The following ZNF684 variants were observed in gnomAD, a reference collection of about 807,000 sequenced individuals.
ZNF684 encodes the protein hypothetical protein MGC27466.
ZNF684 carries 13 observed loss-of-function variants against 12.8 expected under a neutral mutation model. The ratio of observed to expected loss-of-function variants is 1.02; its 90% CI spans 0.66 to 1.62. The LOEUF (loss-of-function observed/expected upper bound fraction) is 1.62. ZNF684 is among the 40% of genes most tolerant of loss of function. The pLI is 0.00. For missense variants in ZNF684, 384 were observed against 446.9 expected, an observed-to-expected ratio of 0.86 and a Z score of 1.27; for synonymous variants, 118 against 151.8, an observed-to-expected ratio of 0.78 and a Z score of 1.64.
At chr1:40,536,237 CA>C (rs1645983496) in intron 2 of ZNF684, among the ~76,000 whole-genome samples, 4 of 151,412 alleles carry the variant, frequency 2.6e-5, no homozygotes, top group Admixed American at 2.6e-4. Context: ...ACTAAAAATA[CA>C]AAAAAATTAG....
At chr1:40,534,354 C>A (rs1352725093) in intron 2 of ZNF684, among the ~76,000 whole-genome samples, 2 of 149,748 alleles carry the variant, frequency 1.3e-5, no homozygotes, top group Admixed American at 1.3e-4. Context: ...GATTCTCCTG[C>A]CTCAGCTTCC....
intron 4 of ZNF684, among the ~76,000 whole-genome samples, chr1:40,546,031 T>G (rs961287179): frequency 6.9e-6 from 1 of 145,960 alleles, no homozygotes; most frequent in African/African-American, 2.5e-5. Flanking sequence ...CAAGCAATTC[T>G]CCTGCCACAG....
intron 2 of ZNF684, among the ~76,000 whole-genome samples, chr1:40,539,731 T>C (rs958028496): frequency 1.3e-5 from 2 of 151,604 alleles, no homozygotes; most frequent in African/African-American, 4.9e-5. Flanking sequence ...GAGAATCTTT[T>C]TTCTTTTTAT....
rs1646017187 is a variant in ZNF684 at position 40,541,694 on chromosome 1, A to G, written c.222A>G (p.Pro74=). 6.2e-7 allele frequency: 1 copy of G among 1,613,240 alleles called. No homozygotes were observed. The highest frequency in any genetic ancestry group is 1.3e-5 in the African/African-American group (1 of 75,028). The change falls in exon 4 of 5, where the codon CCA becomes CCG. Residue 74 remains proline (P), a synonymous_variant. Coordinates refer to ENST00000372699, the MANE Select transcript of ZNF684 (RefSeq NM_152373.4). ...QEPWMVEGAN[P]HESSPESDYP... ...CATGGATGGTGGAGGGAGCGAATCCACACGAGAGCTCTCCAGGTGAGTGAG... is the reference window on the plus strand; with the variant it reads ...CATGGATGGTGGAGGGAGCGAATCCGCACGAGAGCTCTCCAGGTGAGTGAG...
At chr1:40,535,564 G>A (rs966412362) in intron 2 of ZNF684, among the ~76,000 whole-genome samples, 18 of 151,262 alleles carry the variant, frequency 1.2e-4, no homozygotes, top group South Asian at 1.0e-3. Context: ...GTGTTTCACC[G>A]TTTCCTCTTG....
chr1:40,542,296 G>T (rs1013779525), intron 4 of ZNF684, among the ~76,000 whole-genome samples: 2 of 152,016 alleles, frequency 1.3e-5, no homozygotes, highest in African/African-American at 4.8e-5. Context: ...GGTACATCAT[G>T]TTCTATTTTA....
At chr1:40,546,400 C>T (rs1488476394) in intron 4 of ZNF684, among the ~76,000 whole-genome samples, 162 bp from the exon 5 acceptor site, 1 of 152,204 alleles carries the variant, frequency 6.6e-6, no homozygotes, top group Non-Finnish European at 1.5e-5. Context: ...CATCTGCTCC[C>T]ATTCCCTCTT....
chr1:40,542,966 T>G (rs1160019999), intron 4 of ZNF684, among the ~76,000 whole-genome samples: 2 of 152,184 alleles, frequency 1.3e-5, no homozygotes, highest in Non-Finnish European at 2.9e-5. Context: ...TAAATATATT[T>G]CAGATTCCCT....
intron 3 of ZNF684, chr1:40,541,258 A>C: frequency 5.9e-6 from 1 of 170,706 alleles, no homozygotes; most frequent in Admixed American, 5.8e-5. Context: ...GCAGTGGTGC[A>C]ATCTCGGCTT....
chr1:40,538,114 C>T (rs1262080264), intron 2 of ZNF684, among the ~76,000 whole-genome samples: 1 of 152,134 alleles, frequency 6.6e-6, no homozygotes, highest in Non-Finnish European at 1.5e-5. Context: ...ACCTCAGTCT[C>T]CCAAGTAGCT....
In ZNF684 at chr1:40,539,869, G is replaced by C. The variant is rs1289051584; in HGVS notation, c.16-717G>C. 4.6e-5 allele frequency among the ~76,000 whole-genome samples: 7 copies of C among 150,848 alleles called. No homozygotes were observed. In the East Asian group the frequency reaches 1.2e-3, roughly 25 times the overall value. ...ATATCTATGTCTATATCTATATATA[G>C]ATATATAGATATATCTTTGGAGAAA... On this transcript the variant is annotated intron_variant, in intron 2 of 4. Transcript: ENST00000372699.
chr1:40,538,115 C>T (rs1645995033), intron 2 of ZNF684, among the ~76,000 whole-genome samples: 1 of 152,064 alleles, frequency 6.6e-6, no homozygotes, highest in Non-Finnish European at 1.5e-5. Flanking sequence ...CCTCAGTCTC[C>T]CAAGTAGCTG....
chr1:40,532,632 G>T (rs1354239694), intron 1 of ZNF684, among the ~76,000 whole-genome samples: 1 of 151,522 alleles, frequency 6.6e-6, no homozygotes, highest in Non-Finnish European at 1.5e-5. Flanking sequence ...TTAAACTGAA[G>T]GATCCAGCTT....
rs530984363 is a variant in ZNF684, at chr1:40,544,256, TATGAA to T, written c.239-2304_239-2300del. Reference sequence around the variant, plus strand: ...AAAATCTCATTACCATTTTCTAACTTATGAAAGGTAGTTGGAACAGCAAAACATGT... The same window carrying T: ...AAAATCTCATTACCATTTTCTAACTTAGGTAGTTGGAACAGCAAAACATGT... On this transcript the variant is annotated intron_variant, in intron 4 of 4. Coordinates refer to ENST00000372699, the MANE Select transcript of ZNF684 (RefSeq NM_152373.4). 46 of 212,490 alleles carry T rather than the reference TATGAA, an allele frequency of 2.2e-4. 1 individual carries two copies. Among genetic ancestry groups the T allele is most frequent in the South Asian group, 1.1e-3 (22 of 20,318 alleles). The allele number at this position is 212,490 out of a possible 1,614,324, so 13.2% of individuals were successfully genotyped here.
At chr1:40,538,263 G>C (rs1425708750) in intron 2 of ZNF684, among the ~76,000 whole-genome samples, 1 of 152,082 alleles carries the variant, frequency 6.6e-6, no homozygotes, top group Non-Finnish European at 1.5e-5. Context: ...AAAGTGCTGG[G>C]ATTACAGGTG....
At chr1:40,539,961 C>A (rs529116382) in intron 2 of ZNF684, among the ~76,000 whole-genome samples, 142 of 151,220 alleles carry the variant, frequency 9.4e-4, no homozygotes, top group Middle Eastern at 3.4e-3. Context: ...TTTCTCCCCT[C>A]CCCCTATTGT....
At position 40,547,174 on chromosome 1, in the gene ZNF684, C is replaced by G; in HGVS notation, c.851C>G (p.Ser284Ter). ...KECGKTFRYS[S>*]SLYKHSRFHT... is the part of the protein sequence containing the mutation. Reference sequence around the variant, plus strand: ...TGTGGGAAAACCTTCAGGTATAGTTCATCCCTTTATAAACATTCCAGATTT... The same window carrying G: ...TGTGGGAAAACCTTCAGGTATAGTTGATCCCTTTATAAACATTCCAGATTT... Residue 284 changes from serine to a stop codon, truncating the protein, a stop_gained, in exon 5 of 5, where the codon TCA (serine) becomes TGA (stop). Transcript: ENST00000372699. LOFTEE classifies it low-confidence loss of function (END_TRUNC). 6.2e-7 allele frequency: 1 copy of G among 1,614,212 alleles called. No individual in the cohort carries two copies. Among genetic ancestry groups the G allele is most frequent in the Non-Finnish European group, 8.5e-7 (1 of 1,180,040 alleles).
At chr1:40,532,389 T>G (rs987689124) in intron 1 of ZNF684, among the ~76,000 whole-genome samples, 2 of 151,074 alleles carry the variant, frequency 1.3e-5, no homozygotes, top group Non-Finnish European at 2.9e-5. Flanking sequence ...ATAGCATTCC[T>G]GCATAAAACA....
At chr1:40,540,506 A>C in intron 2 of ZNF684, 80 bp from the exon 3 acceptor site, 1 of 1,400,498 alleles carries the variant, frequency 7.1e-7, no homozygotes. Flanking sequence ...ACATGATATG[A>C]TATTAAGGAG....
Sources: allele counts gnomAD v4.1 joint callset (sites outside exome capture counted in the v4.1 genomes callset), GRCh38; gene constraint gnomAD v4.1.1; transcripts MANE v1.5; gene names NCBI Gene and HGNC (gene_info 2026-07-23, HGNC 2026-07-21).